RUFY1: variants seen among roughly 807,000 people sequenced by gnomAD.
RUFY1 encodes RUN and FYVE domain-containing protein 1.
Under a neutral mutation model 94.6 loss-of-function variants are expected in RUFY1, and 54 were observed. That is an observed-to-expected ratio of 0.57 (90% CI 0.46 to 0.72). The LOEUF (loss-of-function observed/expected upper bound fraction) is 0.72, where lower values mean the gene tolerates loss of function less well. Among genes scored for constraint, RUFY1 ranks in the 30% least tolerant of loss-of-function variants. The pLI, the probability that RUFY1 is intolerant of heterozygous loss-of-function variation, is 0.00. For missense variants in RUFY1, 883 were observed against 883.9 expected (o/e 1.00, Z 0.01); for synonymous variants, 396 against 347.3 (o/e 1.14, Z -1.56).
intron 11 of RUFY1, among the ~76,000 whole-genome samples, chr5:179,594,424 C>T (rs1423278004): frequency 6.6e-6 from 1 of 150,684 alleles, no homozygotes; most frequent in Non-Finnish European, 1.5e-5. Flanking sequence ...CAGGGTGGTC[C>T]AAGGGAACTG....
rs549672969 is a variant in RUFY1, at chr5:179,592,543, C to T, written c.1245+802C>T. Among the ~76,000 whole-genome samples the T allele has an allele frequency of 1.4e-4, 22 of 152,286 alleles. No individual in the cohort carries two copies. In the South Asian group the frequency reaches 4.4e-3, roughly 30 times the overall value. The stretch of plus-strand genomic sequence containing the variant: ...CTGGGATTACAGGCGTGAGCCACTG[C>T]GCCTGGCCATTTTATAAATCTTTAC... On this transcript the variant is annotated intron_variant, in intron 10 of 17. Transcript: ENST00000319449.
Position 179,609,373 on chromosome 5 carries a change from T to C in RUFY1, c.1984-3T>C. The stretch of plus-strand genomic sequence containing the variant: ...CTGTGACCGCCTTCTTCCCGTCCTG[T>C]AGCACCACTGCCGGAACTGTGGCCA... On this transcript the variant is annotated splice_region_variant and splice_polypyrimidine_tract_variant and intron_variant, in intron 17 of 17. Coordinates refer to ENST00000319449, the MANE Select transcript of RUFY1 (RefSeq NM_025158.5). 1 of 1,613,188 alleles carries C rather than the reference T, an allele frequency of 6.2e-7. No individual in the cohort carries two copies. Among genetic ancestry groups the C allele is most frequent in the Non-Finnish European group, 8.5e-7 (1 of 1,179,782 alleles).
intron 17 of RUFY1, chr5:179,608,181 GT>G: frequency 2.2e-6 from 1 of 451,226 alleles, no homozygotes; most frequent in Non-Finnish European, 2.9e-6. Flanking sequence ...GACCAGCTGG[GT>G]AGGGGAAGAG....
chr5:179,602,708 C>T (rs776173338), intron 15 of RUFY1: 5 of 152,394 alleles, frequency 3.3e-5, no homozygotes, highest in East Asian at 1.9e-4. Flanking sequence ...CAAAAGAAGC[C>T]ATCAGGAATC....
intron 9 of RUFY1, among the ~76,000 whole-genome samples, chr5:179,590,508 A>G (rs1764978822): frequency 6.6e-6 from 1 of 151,848 alleles, no homozygotes; most frequent in African/African-American, 2.4e-5. Flanking sequence ...GTTTCTAGAC[A>G]GAGTCTCCCT....
In RUFY1 at chr5:179,562,637, C is replaced by G. The variant is rs767265726; in HGVS notation, c.575C>G (p.Thr192Ser). The G allele has an allele frequency of 5.7e-6, 9 of 1,589,640 alleles. No individual in the cohort carries two copies. Among genetic ancestry groups the G allele is most frequent in the Non-Finnish European group, 7.8e-6 (9 of 1,157,996 alleles). The change falls in exon 3 of 18, where the codon ACT (threonine) becomes AGT (serine). Residue 192 changes from threonine (T) to serine (S), a missense_variant. By Grantham distance (58) the Thr-to-Ser change is moderately conservative. Coordinates refer to ENST00000319449, the MANE Select transcript of RUFY1 (RefSeq NM_025158.5). ...KLCPEASDIA[T>S]SVRNLPELKT... ...TGTCCAGAAGCATCAGATATAGCGA[C>G]TAGTGTCAGAAATCTTCCAGAATTA...
At position 179,570,278 on chromosome 5, in the gene RUFY1, C is replaced by T. The variant is rs530609215; in HGVS notation, c.828+853C>T. ...ATGATCATGCCTGGATTTGAGAAAG[C>T]TCAATCTAGCAGCCATTCAGGTTAT... On this transcript the variant is annotated intron_variant, in intron 5 of 17. Coordinates refer to ENST00000319449, the MANE Select transcript of RUFY1 (RefSeq NM_025158.5). Among the ~76,000 whole-genome samples the T allele has an allele frequency of 5.4e-4, 82 of 152,168 alleles. 2 individuals carry two copies. The highest frequency in any genetic ancestry group is 3.2e-3 in the Middle Eastern group (1 of 316).
At chr5:179,607,465 C>T (rs1767221443) in intron 16 of RUFY1, 117 bp from the exon 17 acceptor site, 1 of 809,050 alleles carries the variant, frequency 1.2e-6, no homozygotes, top group Non-Finnish European at 2.1e-6. Context: ...GATGGAGAAA[C>T]AGTGCCTCAC....
intron 10 of RUFY1, 78 bp downstream of exon 10, chr5:179,591,819 C>A (rs1765134214): frequency 1.6e-5 from 14 of 853,228 alleles, no homozygotes; most frequent in Non-Finnish European, 2.5e-5. Context: ...CATAGACATG[C>A]TTCACCATCC....
intron 3 of RUFY1, among the ~76,000 whole-genome samples, chr5:179,563,348 A>T (rs1397298212): frequency 6.6e-6 from 1 of 152,134 alleles, no homozygotes; most frequent in Non-Finnish European, 1.5e-5. Context: ...TGCTGAGAAC[A>T]TTCCTTCTCA....
At chr5:179,602,251 G>T in intron 15 of RUFY1, 1 of 426,618 alleles carries the variant, frequency 2.3e-6, no homozygotes, top group African/African-American at 2.0e-5. Flanking sequence ...CTATTCCTTA[G>T]CTTCATATCC....
chr5:179,576,245 C>T (rs534660440), intron 5 of RUFY1, among the ~76,000 whole-genome samples: 2 of 152,106 alleles, frequency 1.3e-5, no homozygotes, highest in South Asian at 4.1e-4. Context: ...CTTATTCATT[C>T]TCAAGTGCTT....
intron 6 of RUFY1, among the ~76,000 whole-genome samples, chr5:179,579,770 TCTC>T (rs999972343): frequency 3.2e-4 from 47 of 146,334 alleles, no homozygotes; most frequent in African/African-American, 1.2e-3. Flanking sequence ...TTCAATCAGT[TCTC>T]CTCCTCAGCC....
Position 179,595,535 on chromosome 5 carries a change from TTTTG to T in RUFY1, c.1511+583_1511+586del, listed in dbSNP as rs200317942. 9.6e-3 allele frequency among the ~76,000 whole-genome samples: 1,453 copies of T among 151,484 alleles called. 29 individuals carry two copies. Among genetic ancestry groups the T allele is most frequent in the African/African-American group, 0.032 (1,335 of 41,212 alleles). Reference sequence around the variant, plus strand: ...GGGCAGCTACGGTTTCTTTTTGGTTTTTTGTTTGTTTGTTCTTGTTTTTTTTTTT... The same window carrying T: ...GGGCAGCTACGGTTTCTTTTTGGTTTTTTGTTTGTTCTTGTTTTTTTTTTT... On this transcript the variant is annotated intron_variant, in intron 12 of 17. Coordinates refer to ENST00000319449, the MANE Select transcript of RUFY1 (RefSeq NM_025158.5).
chr5:179,598,734 A>G lies in RUFY1; in HGVS notation c.1674A>G (p.Arg558=). ...AATTGAAATCAGAAAAAGAGCAAAG[A>G]CAGGCTCTTCAGCGCGAATTACAGC... is the stretch of plus-strand genomic sequence containing the variant. The part of the protein sequence containing the change: ...EKELKSEKEQ[R]QALQRELQHE... The change falls in exon 14 of 18, where the codon AGA becomes AGG. Residue 558 remains arginine, a synonymous_variant. Transcript: ENST00000319449. 6.2e-7 allele frequency: 1 copy of G among 1,614,116 alleles called. No homozygotes were observed. The highest frequency in any genetic ancestry group is 8.5e-7 in the Non-Finnish European group (1 of 1,179,970).
intron 9 of RUFY1, 118 bp downstream of exon 9, chr5:179,589,765 T>C: frequency 1.3e-6 from 1 of 797,196 alleles, no homozygotes; most frequent in Non-Finnish European, 2.2e-6. Context: ...GCCTTGCTTA[T>C]GTCAGAAAGG....
chr5:179,584,617 A>T (rs1764448622), intron 7 of RUFY1, among the ~76,000 whole-genome samples: 1 of 152,000 alleles, frequency 6.6e-6, no homozygotes, highest in Non-Finnish European at 1.5e-5. Context: ...CCTCACCTCT[A>T]CAAAAAAATA....
At chr5:179,604,420 C>G (rs1247599575) in intron 15 of RUFY1, among the ~76,000 whole-genome samples, 1 of 152,168 alleles carries the variant, frequency 6.6e-6, no homozygotes, top group East Asian at 1.9e-4. Context: ...GCCTTGTTGA[C>G]CTGGCTTCCC....
At chr5:179,552,267 C>T (rs1004412558) in intron 1 of RUFY1, among the ~76,000 whole-genome samples, 6 of 150,602 alleles carry the variant, frequency 4.0e-5, no homozygotes, top group African/African-American at 1.5e-4. Context: ...TGAGATAGCA[C>T]ATAATAGAAC....
Sources: gnomAD v4.1 joint callset for allele counts (sites outside exome capture counted in the v4.1 genomes callset) on GRCh38, gnomAD v4.1.1 for gene constraint, MANE v1.5 for transcripts, NCBI Gene and HGNC (gene_info 2026-07-23, HGNC 2026-07-21) for gene names.